The following ZCCHC7 variants were observed in gnomAD, a reference collection of about 807,000 sequenced individuals.
ZCCHC7 encodes zinc finger CCHC-type containing 7, also known as zinc finger CCHC domain-containing protein 7.
In ZCCHC7, 35 loss-of-function variants were observed where a neutral mutation model predicts 52.0. The observed-to-expected ratio is 0.67, with a 90% CI of 0.51 to 0.89. The LOEUF is 0.89. Ranked by LOEUF, ZCCHC7 falls within the 40% of genes least tolerant of loss-of-function variation. The probability of loss-of-function intolerance (pLI) is 0.00; values close to 1 mark genes in which losing one functional copy is unlikely to be tolerated. For synonymous variants in ZCCHC7, 217 were observed against 221.5 expected (o/e 0.98, Z 0.18); for missense variants, 574 against 649.1 (o/e 0.88, Z 1.26).
At chr9:37,185,482 A>C (rs1435576998) in intron 2 of ZCCHC7, among the ~76,000 whole-genome samples, 2 of 152,220 alleles carry the variant, frequency 1.3e-5, no homozygotes, top group African/African-American at 4.8e-5. Flanking sequence ...GCTGTAACAA[A>C]TTACCATAAA....
At chr9:37,252,066 C>T (rs762510013) in intron 2 of ZCCHC7, among the ~76,000 whole-genome samples, 2 of 151,878 alleles carry the variant, frequency 1.3e-5, no homozygotes, top group South Asian at 4.2e-4. Context: ...TAATATATCT[C>T]TTATAGGCTT....
At chr9:37,164,083 A>G (rs530464149) in intron 2 of ZCCHC7, among the ~76,000 whole-genome samples, 1 of 149,918 alleles carries the variant, frequency 6.7e-6, no homozygotes, top group Admixed American at 6.6e-5. Context: ...TAATCCTCCA[A>G]CTTTTTTTTT....
intron 2 of ZCCHC7, chr9:37,187,037 T>C (rs1279457241): frequency 5.1e-6 from 1 of 194,884 alleles, no homozygotes; most frequent in Non-Finnish European, 1.0e-5. Context: ...GTATAACAAA[T>C]ACATTGATAT....
chr9:37,218,353 C>T (rs1824624230), intron 2 of ZCCHC7, among the ~76,000 whole-genome samples: 1 of 152,164 alleles, frequency 6.6e-6, no homozygotes, highest in Admixed American at 6.5e-5. Context: ...TACTGACTCC[C>T]CAAGTTAACT....
chr9:37,149,374 T>TG (rs1326630878), intron 2 of ZCCHC7, among the ~76,000 whole-genome samples: 1 of 152,178 alleles, frequency 6.6e-6, no homozygotes, highest in Non-Finnish European at 1.5e-5. Context: ...TGTACACTTT[T>TG]GGGGGAACAT....
intron 2 of ZCCHC7, among the ~76,000 whole-genome samples, chr9:37,235,475 C>A (rs1825599772): frequency 6.8e-6 from 1 of 146,820 alleles, no homozygotes; most frequent in Non-Finnish European, 1.5e-5. Flanking sequence ...CCTTTCCTTC[C>A]TTCCTTTCTT....
At chr9:37,193,194 A>C (rs1823106843) in intron 2 of ZCCHC7, among the ~76,000 whole-genome samples, 1 of 152,212 alleles carries the variant, frequency 6.6e-6, no homozygotes, top group Non-Finnish European at 1.5e-5. Flanking sequence ...TGAAAGCTAC[A>C]TCTTTGTATT....
At chr9:37,232,254 G>A (rs1022332596) in intron 2 of ZCCHC7, among the ~76,000 whole-genome samples, 1 of 152,132 alleles carries the variant, frequency 6.6e-6, no homozygotes, top group African/African-American at 2.4e-5. Context: ...GAAAGAATAG[G>A]TGTCTTGTCA....
intron 2 of ZCCHC7, among the ~76,000 whole-genome samples, chr9:37,210,200 A>C (rs1824140254): frequency 6.6e-6 from 1 of 151,878 alleles, no homozygotes; most frequent in Admixed American, 6.6e-5. Flanking sequence ...TGTGCACTTT[A>C]TCCCTGAATG....
chr9:37,200,022 C>T (rs993987842), intron 2 of ZCCHC7, among the ~76,000 whole-genome samples: 1 of 152,060 alleles, frequency 6.6e-6, no homozygotes, highest in Non-Finnish European at 1.5e-5. Context: ...TTTTTCTTAC[C>T]GCGCTCTGCT....
intron 6 of ZCCHC7, among the ~76,000 whole-genome samples, chr9:37,348,109 T>C (rs1037604506): frequency 3.9e-5 from 6 of 152,206 alleles, no homozygotes; most frequent in African/African-American, 7.2e-5. Context: ...TACTTTCAGA[T>C]CTACTCTTCA....
chr9:37,138,699 A>ATTT (rs538339919), intron 2 of ZCCHC7, among the ~76,000 whole-genome samples: 1 of 134,066 alleles, frequency 7.5e-6, no homozygotes, highest in Non-Finnish European at 1.6e-5. Context: ...ACAGGTTTGT[A>ATTT]TTTTTTTTTT....
chr9:37,169,266 G>A (rs889775125), intron 2 of ZCCHC7, among the ~76,000 whole-genome samples: 1 of 152,196 alleles, frequency 6.6e-6, no homozygotes, highest in Non-Finnish European at 1.5e-5. Context: ...TTCAAGGGAA[G>A]CATTCCATTG....
chr9:37,157,254 T>C (rs1234561606), intron 2 of ZCCHC7, among the ~76,000 whole-genome samples: 2 of 147,162 alleles, frequency 1.4e-5, no homozygotes, highest in Non-Finnish European at 3.0e-5. Context: ...TGCCAGCACA[T>C]GGGAAGATAA....
chr9:37,323,223 T>G (rs1328559274), intron 5 of ZCCHC7, among the ~76,000 whole-genome samples: 1 of 152,214 alleles, frequency 6.6e-6, no homozygotes, highest in Non-Finnish European at 1.5e-5. Flanking sequence ...TACTTTACAT[T>G]ACCTTAGGTC....
chr9:37,297,024 A>G (rs115435295), intron 2 of ZCCHC7, among the ~76,000 whole-genome samples: 2,082 of 152,240 alleles, frequency 0.014, 50 homozygotes, highest in African/African-American at 0.048. Flanking sequence ...GGAGTCAGCC[A>G]CTGCATCTGG....
chr9:37,285,202 G>A (rs182767493), intron 2 of ZCCHC7, among the ~76,000 whole-genome samples: 223 of 152,150 alleles, frequency 1.5e-3, no homozygotes, highest in African/African-American at 4.8e-3. Flanking sequence ...GGTTTCTATG[G>A]AAAAATTTAT....
At chr9:37,156,840 C>T (rs891166238) in intron 2 of ZCCHC7, among the ~76,000 whole-genome samples, 1 of 152,056 alleles carries the variant, frequency 6.6e-6, no homozygotes, top group Non-Finnish European at 1.5e-5. Flanking sequence ...ACCCTTGTTA[C>T]CAATGTTCTT....
chr9:37,283,677 G>A (rs1455157728), intron 2 of ZCCHC7, among the ~76,000 whole-genome samples: 1 of 152,090 alleles, frequency 6.6e-6, no homozygotes, highest in African/African-American at 2.4e-5. Context: ...TTAGATCATA[G>A]TAATAATGGT....
Sources: allele counts gnomAD v4.1 joint callset (sites outside exome capture counted in the v4.1 genomes callset), GRCh38; gene constraint gnomAD v4.1.1; transcripts MANE v1.5; gene names NCBI Gene and HGNC (gene_info 2026-07-23, HGNC 2026-07-21).